SLIT3: variants seen among roughly 807,000 people sequenced by gnomAD.
The protein encoded by SLIT3 is slit guidance ligand 3, also known as slit homolog 3 protein.
SLIT3 carries 68 observed loss-of-function variants against 184.0 expected under a neutral mutation model. The ratio of observed to expected loss-of-function variants is 0.37; its 90% CI spans 0.30 to 0.45. The LOEUF (loss-of-function observed/expected upper bound fraction) is 0.45, where lower values mean the gene tolerates loss of function less well. Ranked by LOEUF, SLIT3 falls within the 20% of genes least tolerant of loss-of-function variation. The probability of loss-of-function intolerance (pLI) is 1.00; values close to 1 mark genes in which losing one functional copy is unlikely to be tolerated. For synonymous variants in SLIT3, 831 were observed against 828.6 expected (o/e 1.00, Z -0.05); for missense variants, 1,707 against 2,026.0 (o/e 0.84, Z 3.02).
intron 4 of SLIT3, among the ~76,000 whole-genome samples, chr5:168,989,584 A>G (rs1755248339): frequency 6.6e-6 from 1 of 152,236 alleles, no homozygotes; most frequent in African/African-American, 2.4e-5. Context: ...AACTAGTTGT[A>G]TCCTAAAAGA....
chr5:168,887,662 G>C (rs1231201352), intron 4 of SLIT3, among the ~76,000 whole-genome samples: 1 of 152,158 alleles, frequency 6.6e-6, no homozygotes, highest in African/African-American at 2.4e-5. Context: ...AAGTCATACG[G>C]ATAGTGCGCC....
Position 168,673,197 on chromosome 5 carries a change from T to C in SLIT3, c.3821A>G (p.Asn1274Ser). ...ATTACCTCCAAGGTAGAGGGGGCTG[T>C]TGATGCCCACTGCTGGCTGCTTCTG... Reference protein sequence around the residue: ...KLQKQPAVGINSPLYLGGIPT... With the variant: ...KLQKQPAVGISSPLYLGGIPT... Residue 1274 changes from asparagine to serine, a missense_variant, in exon 33 of 36, where the codon AAC becomes AGC. This residue lies in a region of SLIT3 where 387 missense variants were observed against 477.9 expected (regional missense o/e 0.81). Coordinates refer to ENST00000519560, the MANE Select transcript of SLIT3 (RefSeq NM_003062.4). 6.2e-7 allele frequency: 1 copy of C among 1,613,858 alleles called. No homozygotes were observed. The highest frequency in any genetic ancestry group is 1.3e-5 in the African/African-American group (1 of 74,960).
At chr5:169,122,562 GT>G (rs1380211430) in intron 4 of SLIT3, among the ~76,000 whole-genome samples, 3 of 152,080 alleles carry the variant, frequency 2.0e-5, no homozygotes, top group Non-Finnish European at 4.4e-5. Context: ...AGCTATATCA[GT>G]TTCCCCCCAC....
intron 4 of SLIT3, among the ~76,000 whole-genome samples, chr5:168,897,605 C>T (rs181064368): frequency 5.5e-5 from 7 of 127,216 alleles, no homozygotes; most frequent in South Asian, 2.6e-4. Flanking sequence ...GAGAAAGATA[C>T]GGATGTGAGG....
chr5:168,722,100 T>G (rs925934360), intron 23 of SLIT3, among the ~76,000 whole-genome samples, 156 bp downstream of exon 23: 22 of 152,168 alleles, frequency 1.4e-4, no homozygotes, highest in African/African-American at 4.6e-4. Flanking sequence ...AAGGTAGCTC[T>G]CTCTACTCCA....
intron 6 of SLIT3, among the ~76,000 whole-genome samples, chr5:168,823,841 C>T (rs747366399): frequency 6.6e-6 from 1 of 152,212 alleles, no homozygotes; most frequent in Non-Finnish European, 1.5e-5. Flanking sequence ...CCAGCACTAC[C>T]TTGCTGCATT....
chr5:168,741,358 C>T (rs1763630077), intron 20 of SLIT3, among the ~76,000 whole-genome samples: 1 of 151,398 alleles, frequency 6.6e-6, no homozygotes, highest in Non-Finnish European at 1.5e-5. Flanking sequence ...GTAGTCCCAG[C>T]TACTCGGGAG....
chr5:169,249,369 AG>A (rs1765699646), intron 2 of SLIT3, among the ~76,000 whole-genome samples: 1 of 152,242 alleles, frequency 6.6e-6, no homozygotes. Context: ...TTAACTGAAA[AG>A]ATAAACTGTA....
rs78789976 is a variant in SLIT3 at position 168,677,324 on chromosome 5, T to C, written c.3687-3993A>G. On this transcript the variant is annotated intron_variant, in intron 32 of 35. Coordinates refer to ENST00000519560, the MANE Select transcript of SLIT3 (RefSeq NM_003062.4). The stretch of plus-strand genomic sequence containing the variant: ...AGGGGTCTTGCTCTGTTGCCCAGGA[T>C]GGAATGTAGTGGTGCAATCATCGCT... 3.5e-3 allele frequency among the ~76,000 whole-genome samples: 526 copies of C among 152,312 alleles called. 3 individuals carry two copies. Among genetic ancestry groups the C allele is most frequent in the African/African-American group, 0.012 (488 of 41,556 alleles).
chr5:168,891,786 C>T (rs552820203), intron 4 of SLIT3, among the ~76,000 whole-genome samples: 4 of 152,228 alleles, frequency 2.6e-5, no homozygotes, highest in African/African-American at 4.8e-5. Flanking sequence ...GTTACCAATA[C>T]GAGTGCCTGT....
At chr5:169,164,144 C>T (rs1762560645) in intron 4 of SLIT3, among the ~76,000 whole-genome samples, 1 of 152,216 alleles carries the variant, frequency 6.6e-6, no homozygotes. Context: ...GACATCTAAA[C>T]ATAACCACAC....
chr5:169,187,024 T>A (rs1313102598), intron 4 of SLIT3, among the ~76,000 whole-genome samples: 2 of 144,776 alleles, frequency 1.4e-5, no homozygotes, highest in African/African-American at 5.1e-5. Context: ...TTTTTTTTTT[T>A]AAAGCTGTCA....
At chr5:168,962,875 T>C (rs1490536023) in intron 4 of SLIT3, among the ~76,000 whole-genome samples, 1 of 152,172 alleles carries the variant, frequency 6.6e-6, no homozygotes, top group Non-Finnish European at 1.5e-5. Flanking sequence ...ACACTGCTGA[T>C]TGCTCCCCTC....
intron 1 of SLIT3, among the ~76,000 whole-genome samples, chr5:169,257,642 G>A (rs991005656): frequency 4.3e-5 from 6 of 141,096 alleles, no homozygotes; most frequent in African/African-American, 1.6e-4. Flanking sequence ...CGCTTCCTGG[G>A]TTCAAGCGAT....
At chr5:169,150,511 T>TCA (rs1388383280) in intron 4 of SLIT3, among the ~76,000 whole-genome samples, 1 of 136,304 alleles carries the variant, frequency 7.3e-6, no homozygotes, top group African/African-American at 3.0e-5. Flanking sequence ...TCTATTTCAC[T>TCA]CACATACACA....
chr5:168,725,610 G>T (rs957423161), intron 20 of SLIT3, among the ~76,000 whole-genome samples: 1 of 152,230 alleles, frequency 6.6e-6, no homozygotes, highest in Non-Finnish European at 1.5e-5. Context: ...TCTCTTGCTA[G>T]CCTGGTGCTT....
intron 4 of SLIT3, among the ~76,000 whole-genome samples, chr5:169,083,949 T>TAC (rs1419617422): frequency 6.6e-6 from 1 of 152,208 alleles, no homozygotes; most frequent in African/African-American, 2.4e-5. Context: ...ACAAGCCCTG[T>TAC]ACCTCACTTT....
chr5:169,187,353 C>T (rs865959307), intron 4 of SLIT3, among the ~76,000 whole-genome samples: 1 of 151,664 alleles, frequency 6.6e-6, no homozygotes, highest in African/African-American at 2.4e-5. Context: ...CCTCGTCATC[C>T]GCCCACCTTG....
chr5:169,140,191 G>A (rs180884721), intron 4 of SLIT3, among the ~76,000 whole-genome samples: 2 of 151,878 alleles, frequency 1.3e-5, no homozygotes, highest in Admixed American at 6.6e-5. Flanking sequence ...GGGGCCAGGT[G>A]CGGTGGCTCA....
Sources: gnomAD v4.1 joint callset for allele counts (sites outside exome capture counted in the v4.1 genomes callset) on GRCh38, gnomAD v4.1.1 for gene constraint, gnomAD v4.1.1 regional missense constraint, MANE v1.5 for transcripts, NCBI Gene and HGNC (gene_info 2026-07-23, HGNC 2026-07-21) for gene names.